The following SNX32 variants were observed in gnomAD, a reference collection of about 807,000 sequenced individuals.
SNX32 encodes sorting nexin-32.
In SNX32, 58 loss-of-function variants were observed where a neutral mutation model predicts 57.0. The ratio of observed to expected loss-of-function variants is 1.02; its 90% CI spans 0.82 to 1.27. The LOEUF is 1.27. Among genes scored for constraint, SNX32 ranks in the 50% most tolerant of loss-of-function variants. The pLI, the probability that SNX32 is intolerant of heterozygous loss-of-function variation, is 0.00. For synonymous variants in SNX32, 262 were observed against 220.4 expected (o/e 1.19, Z -1.67); for missense variants, 589 against 541.2 (o/e 1.09, Z -0.88).
In SNX32 at chr11:65,850,289, T is replaced by G. The variant is rs769188050; in HGVS notation, c.374+18T>G. 1 of 1,614,098 alleles carries G rather than the reference T, an allele frequency of 6.2e-7. No individual in the cohort carries two copies. Among genetic ancestry groups the G allele is most frequent in the Non-Finnish European group, 8.5e-7 (1 of 1,180,014 alleles). On this transcript the variant is annotated intron_variant, in intron 4 of 12. Coordinates refer to ENST00000308342, the MANE Select transcript of SNX32 (RefSeq NM_152760.3). The stretch of plus-strand genomic sequence containing the variant: ...CTGGAAGCGTGAGTGCCCCCTCCTT[T>G]CCCTGCCATCCCCAGAGTCCAGATG...
At position 65,851,687 on chromosome 11, in the gene SNX32, C is replaced by T; in HGVS notation, c.825+8C>T. ...CTCTTTGAACGGCTGAGGGTGAGTA[C>T]TGCCTTCTGTGCTCAAAGGCTTTCC... is the stretch of plus-strand genomic sequence containing the variant. On this transcript the variant is annotated splice_region_variant and intron_variant, in intron 9 of 12. Coordinates refer to ENST00000308342, the MANE Select transcript of SNX32 (RefSeq NM_152760.3). The T allele has an allele frequency of 6.2e-7, 1 of 1,614,092 alleles. No individual in the cohort carries two copies. The highest frequency in any genetic ancestry group is 8.5e-7 in the Non-Finnish European group (1 of 1,179,960).
intron 1 of SNX32, among the ~76,000 whole-genome samples, chr11:65,839,214 A>AATTTTTTTGT: frequency 1.7e-5 from 1 of 58,630 alleles, no homozygotes; most frequent in African/African-American, 5.6e-5. Flanking sequence ...ACGCCCAGCT[A>AATTTTTTTGT]ATTTTTTTGT....
Position 65,852,709 on chromosome 11 carries a change from A to G in SNX32, c.992A>G (p.Asn331Ser). ...GCGCTGGACAAGGCGCGCACCAGGAACCGGGAGGTGCGGCCCGCCGAGAGC... is the reference window on the plus strand; with the variant it reads ...GCGCTGGACAAGGCGCGCACCAGGAGCCGGGAGGTGCGGCCCGCCGAGAGC... ...NKALDKARTR[N>S]REVRPAESHQ... The change falls in exon 11 of 13, where the codon AAC becomes AGC. Residue 331 changes from asparagine to serine, a missense_variant. Asn to Ser is a conservative substitution (Grantham distance 46). Coordinates refer to ENST00000308342, the MANE Select transcript of SNX32 (RefSeq NM_152760.3). 6.3e-7 allele frequency: 1 copy of G among 1,598,704 alleles called. No homozygotes were observed. The highest frequency in any genetic ancestry group is 8.5e-7 in the Non-Finnish European group (1 of 1,176,266).
At chr11:65,835,333 TA>T (rs1160930342) in intron 1 of SNX32, among the ~76,000 whole-genome samples, 2 of 44,534 alleles carry the variant, frequency 4.5e-5, no homozygotes, top group East Asian at 1.0e-3. Flanking sequence ...GGTAGGTGGG[TA>T]GGGGGTGGGA....
At chr11:65,850,947 TG>T in intron 6 of SNX32, 92 bp downstream of exon 6, 1 of 1,489,406 alleles carries the variant, frequency 6.7e-7, no homozygotes, top group Non-Finnish European at 9.4e-7. Context: ...AGGAAGCCAC[TG>T]GTGGGGCCTG....
At chr11:65,850,635 T>A (rs1197456670) in intron 5 of SNX32, 81 bp downstream of exon 5, 1 of 1,559,596 alleles carries the variant, frequency 6.4e-7, no homozygotes, top group Non-Finnish European at 8.7e-7. Flanking sequence ...GTGGCAGGGC[T>A]GGAGAAGGGG....
At position 65,853,291 on chromosome 11, in the gene SNX32, C is replaced by T; in HGVS notation, c.1168C>T (p.Leu390=). The change falls in exon 13 of 13, where the codon CTG becomes TTG. Residue 390 remains leucine (L), a synonymous_variant. Coordinates refer to ENST00000308342, the MANE Select transcript of SNX32 (RefSeq NM_152760.3). ...LELKHAKAST[L]ILRNTLVALK... ...TGTTTCTCCTCTGCAGGCCAGCACC[C>T]TGATTCTCCGGAACACCCTTGTTGC... 6.2e-7 allele frequency: 1 copy of T among 1,614,106 alleles called. No homozygotes were observed. Among genetic ancestry groups the T allele is most frequent in the African/African-American group, 1.3e-5 (1 of 75,022 alleles).
At position 65,849,579 on chromosome 11, in the gene SNX32, A is replaced by G. The variant is rs1233648932; in HGVS notation, c.138A>G (p.Thr46=). 5 of 1,613,868 alleles carry G rather than the reference A, an allele frequency of 3.1e-6. No individual in the cohort carries two copies. Among genetic ancestry groups the G allele is most frequent in the South Asian group, 1.1e-5 (1 of 91,090 alleles). ...ACAAGGTGAAATTCACTGTTCAAAC[A>G]AAGGTGAGGCAGTGCGGGGCACGAG... ...ERDKVKFTVQ[T]KSCLPHFAQT... The change falls in exon 2 of 13, where the codon ACA becomes ACG. Residue 46 remains threonine (T), a synonymous_variant. Transcript: ENST00000308342.
chr11:65,849,339 G>A lies in SNX32; in HGVS notation c.37-139G>A, dbSNP rs78704777. ...AAAACTCAGGTCAGTGCCTTATCAGGACCCCTCTCTGGTGACCTGGGGCAT... is the reference window on the plus strand; with the variant it reads ...AAAACTCAGGTCAGTGCCTTATCAGAACCCCTCTCTGGTGACCTGGGGCAT... On this transcript the variant is annotated intron_variant, in intron 1 of 12. Transcript: ENST00000308342. 5.4e-3 allele frequency: 3,565 copies of A among 659,024 alleles called. 144 individuals are homozygous for A. In the East Asian group the frequency reaches 0.079, roughly 15 times the overall value. 40.8% of individuals were successfully genotyped at this position (659,024 alleles called of 1,614,324 possible). A position where few individuals can be genotyped will look rare whatever the true frequency, so the allele number is the denominator to read the frequency against.
In SNX32 at chr11:65,852,643, G is replaced by A. The variant is rs377041103; in HGVS notation, c.926G>A (p.Arg309Gln). ...DSQAAKDLLY[R>Q]RLRALADYEN... ...CCATGGTCCTAGGACCTGCTGTACC[G>A]GCGGCTGCGGGCACTGGCCGACTAC... is the stretch of plus-strand genomic sequence containing the variant. Residue 309 changes from arginine to glutamine, a missense_variant, in exon 11 of 13, where the codon CGG becomes CAG. Arg to Gln is a conservative substitution (Grantham distance 43, BLOSUM62 1). Coordinates refer to ENST00000308342, the MANE Select transcript of SNX32 (RefSeq NM_152760.3). 3.6e-5 allele frequency: 58 copies of A among 1,605,902 alleles called. No homozygotes were observed. Among genetic ancestry groups the A allele is most frequent in the Middle Eastern group, 1.6e-4 (1 of 6,076 alleles).
At chr11:65,850,118 A>G in intron 3 of SNX32, 32 bp from the exon 4 acceptor site, 1 of 1,614,174 alleles carries the variant, frequency 6.2e-7, no homozygotes, top group Non-Finnish European at 8.5e-7. Flanking sequence ...CGGCAGTGAG[A>G]GGCCTCCCAG....
At chr11:65,843,361 G>T (rs1272286755) in intron 1 of SNX32, among the ~76,000 whole-genome samples, 1 of 152,138 alleles carries the variant, frequency 6.6e-6, no homozygotes, top group African/African-American at 2.4e-5. Flanking sequence ...TTGAGGTCAG[G>T]AGTTTGAGAC....
chr11:65,852,792 G>GAGCCCGCAGCCCCC lies in SNX32; in HGVS notation c.1072+9_1072+22dup. The GAGCCCGCAGCCCCC allele has an allele frequency of 6.2e-7, 1 of 1,610,176 alleles. No homozygotes were observed. The highest frequency in any genetic ancestry group is 8.5e-7 in the Non-Finnish European group (1 of 1,177,632). On this transcript the variant is annotated splice_donor_region_variant and intron_variant, in intron 11 of 12. Transcript: ENST00000308342. ...CCTCTCCGACTCCGCCAAGCAAGGT[G>GAGCCCGCAGCCCCC]AGCCCGCAGCCCCCAGCCCCAGCCT...
chr11:65,849,560 T>C lies in SNX32; in HGVS notation c.119T>C (p.Val40Ala). ...ISDAVSERDK[V>A]KFTVQTKSCL... ...GACGCAGTGAGTGAGCGGGACAAGG[T>C]GAAATTCACTGTTCAAACAAAGGTG... is the stretch of plus-strand genomic sequence containing the variant. The change falls in exon 2 of 13, where the codon GTG (valine) becomes GCG (alanine). Residue 40 changes from valine (V) to alanine (A), a missense_variant. Val to Ala is a moderately conservative substitution (Grantham distance 64). Coordinates refer to ENST00000308342, the MANE Select transcript of SNX32 (RefSeq NM_152760.3). 6.2e-7 allele frequency: 1 copy of C among 1,614,008 alleles called. No individual in the cohort carries two copies.
chr11:65,845,127 C>T (rs1270340276), intron 1 of SNX32, among the ~76,000 whole-genome samples: 1 of 145,334 alleles, frequency 6.9e-6, no homozygotes, highest in Non-Finnish European at 1.5e-5. Flanking sequence ...GAGAACACCC[C>T]CCTGCTTTAA....
In SNX32 at chr11:65,852,713, G is replaced by T. The variant is rs1226970629; in HGVS notation, c.996G>T (p.Arg332=). 2 of 1,600,912 alleles carry T rather than the reference G, an allele frequency of 1.2e-6. No individual in the cohort carries two copies. Among genetic ancestry groups the T allele is most frequent in the Non-Finnish European group, 1.7e-6 (2 of 1,177,200 alleles). The change falls in exon 11 of 13, where the codon CGG becomes CGT. Residue 332 remains arginine (R), a synonymous_variant. Coordinates refer to ENST00000308342, the MANE Select transcript of SNX32 (RefSeq NM_152760.3). ...KALDKARTRN[R]EVRPAESHQQ... is the part of the protein sequence containing the mutation. ...TGGACAAGGCGCGCACCAGGAACCG[G>T]GAGGTGCGGCCCGCCGAGAGCCACC... is the stretch of plus-strand genomic sequence containing the variant.
rs35264328 is a variant in SNX32, at chr11:65,847,014, G to GTT, written c.37-2453_37-2452dup. The stretch of plus-strand genomic sequence containing the variant: ...AAAAAATTTAGCTTTAGTTTTTTTT[G>GTT]TTTTTTTTTTTTAGACAGTTTCTCA... On this transcript the variant is annotated intron_variant, in intron 1 of 12. Transcript: ENST00000308342. 8.1e-3 allele frequency among the ~76,000 whole-genome samples: 1,151 copies of GTT among 142,270 alleles called. 11 individuals are homozygous for GTT. Among genetic ancestry groups the GTT allele is most frequent in the East Asian group, 0.026 (129 of 4,886 alleles). 93.3% of individuals were successfully genotyped at this position (142,270 alleles called of 152,430 possible).
chr11:65,852,792 G>GAGCCCGC lies in SNX32; in HGVS notation c.1072+9_1072+15dup. 1.2e-6 allele frequency: 2 copies of GAGCCCGC among 1,610,176 alleles called. No homozygotes were observed. Among genetic ancestry groups the GAGCCCGC allele is most frequent in the Non-Finnish European group, 8.5e-7 (1 of 1,177,632 alleles). On this transcript the variant is annotated splice_donor_region_variant and intron_variant, in intron 11 of 12. Coordinates refer to ENST00000308342, the MANE Select transcript of SNX32 (RefSeq NM_152760.3). ...CCTCTCCGACTCCGCCAAGCAAGGT[G>GAGCCCGC]AGCCCGCAGCCCCCAGCCCCAGCCT... is the stretch of plus-strand genomic sequence containing the variant.
intron 1 of SNX32, among the ~76,000 whole-genome samples, chr11:65,836,111 G>A (rs1004073307): frequency 6.6e-6 from 1 of 152,106 alleles, no homozygotes; most frequent in Non-Finnish European, 1.5e-5. Context: ...CCCAGCCTTT[G>A]CAGGAGCCAT....
Sources: allele counts gnomAD v4.1 joint callset (sites outside exome capture counted in the v4.1 genomes callset), GRCh38; gene constraint gnomAD v4.1.1; transcripts MANE v1.5; gene names NCBI Gene and HGNC (gene_info 2026-07-23, HGNC 2026-07-21).